Variants in FAM227B observed in about 807,000 individuals in gnomAD.
The protein encoded by FAM227B is protein FAM227B.
In FAM227B, 88 loss-of-function variants were observed where a neutral mutation model predicts 73.8. That is an observed-to-expected ratio of 1.19 (90% CI 1.00 to 1.42). The LOEUF is 1.42. FAM227B is among the 40% of genes most tolerant of loss of function. The pLI is 0.00. For missense variants in FAM227B, 632 were observed against 590.9 expected, an observed-to-expected ratio of 1.07 and a Z score of -0.72; for synonymous variants, 210 against 190.5, an observed-to-expected ratio of 1.10 and a Z score of -0.84.
intron 11 of FAM227B, chr15:49,486,892 C>T (rs892302562): frequency 1.4e-4 from 22 of 151,894 alleles, no homozygotes; most frequent in African/African-American, 5.3e-4. Context: ...TAAGGGGCCT[C>T]CATCCCTCTT....
intron 11 of FAM227B, among the ~76,000 whole-genome samples, chr15:49,387,808 C>G (rs570957095): frequency 6.6e-6 from 1 of 151,460 alleles, no homozygotes; most frequent in Non-Finnish European, 1.5e-5. Flanking sequence ...CAATGTACAA[C>G]AATATCATTG....
At position 49,541,781 on chromosome 15, in the gene FAM227B, G is replaced by A. The variant is rs773885690; in HGVS notation, c.773C>T (p.Ala258Val). Reference sequence around the variant, plus strand: ...TGCTTCATGGAACGTTGCATATATGGCTTGTGCCAAACAATCAGGATATAT... The same window carrying A: ...TGCTTCATGGAACGTTGCATATATGACTTGTGCCAAACAATCAGGATATAT... ...FQIYPDCLAQ[A>V]IYATFHEAFP... Residue 258 changes from alanine to valine, a missense_variant, in exon 10 of 16, where the codon GCC becomes GTC. Transcript: ENST00000299338. The A allele has an allele frequency of 6.6e-6, 10 of 1,510,574 alleles. No homozygotes were observed. In the South Asian group the frequency reaches 1.4e-4, roughly 22 times the overall value. The allele number at this position is 1,510,574 out of a possible 1,614,324, so 93.6% of individuals were successfully genotyped here.
intron 11 of FAM227B, among the ~76,000 whole-genome samples, chr15:49,450,301 CTCTT>C (rs770776466): frequency 6.6e-6 from 1 of 152,078 alleles, no homozygotes; most frequent in African/African-American, 2.4e-5. Context: ...TACAAGATAA[CTCTT>C]TCTTCCAAAT....
chr15:49,575,972 C>A (rs1038610018), intron 7 of FAM227B, among the ~76,000 whole-genome samples: 2 of 152,160 alleles, frequency 1.3e-5, no homozygotes, highest in Non-Finnish European at 2.9e-5. Flanking sequence ...TTCAAGATTT[C>A]TTTTAAGTGC....
chr15:49,587,956 G>C (rs2076271554), intron 5 of FAM227B, 60 bp downstream of exon 5: 2 of 1,317,090 alleles, frequency 1.5e-6, no homozygotes, highest in Admixed American at 3.0e-5. Context: ...TGGAAATGTA[G>C]TGTTTATATT....
At chr15:49,604,613 A>G (rs2153316039) in intron 3 of FAM227B, among the ~76,000 whole-genome samples, 1 of 152,010 alleles carries the variant, frequency 6.6e-6, no homozygotes, top group Non-Finnish European at 1.5e-5. Context: ...GAATATTTCT[A>G]TCATTCTTTC....
At chr15:49,344,952 C>A (rs187445298) in intron 13 of FAM227B, among the ~76,000 whole-genome samples, 2 of 152,122 alleles carry the variant, frequency 1.3e-5, no homozygotes, top group South Asian at 2.1e-4. Context: ...TTAATACAAC[C>A]AATGATACAC....
chr15:49,602,183 T>C (rs1034372792), intron 3 of FAM227B, among the ~76,000 whole-genome samples: 4 of 152,198 alleles, frequency 2.6e-5, no homozygotes, highest in South Asian at 2.1e-4. Context: ...CTAGATTGTA[T>C]GGTAGCTCTA....
chr15:49,576,626 C>A, intron 7 of FAM227B, 115 bp downstream of exon 7: 1 of 650,190 alleles, frequency 1.5e-6, no homozygotes, highest in Admixed American at 2.8e-5. Context: ...AAATTTAATG[C>A]CCAAAGGATC....
chr15:49,394,809 T>C (rs71467676), intron 11 of FAM227B, among the ~76,000 whole-genome samples: 10,004 of 152,240 alleles, frequency 0.066, 469 homozygotes, highest in East Asian at 0.18. Flanking sequence ...TGAGATTTCA[T>C]TTATGACAGT....
At chr15:49,458,121 A>G (rs1597330046) in intron 11 of FAM227B, among the ~76,000 whole-genome samples, 1 of 152,012 alleles carries the variant, frequency 6.6e-6, no homozygotes, top group African/African-American at 2.4e-5. Flanking sequence ...TCAGCTTGAT[A>G]AGATGGACAA....
At chr15:49,525,711 T>TATATATATATACATACATAC (rs2060143583) in intron 10 of FAM227B, among the ~76,000 whole-genome samples, 1 of 63,170 alleles carries the variant, frequency 1.6e-5, no homozygotes, top group African/African-American at 5.2e-5. Context: ...TATATATATA[T>TATATATATATACATACATAC]ATATATATCA....
At chr15:49,615,671 C>T (rs777876823) in intron 1 of FAM227B, among the ~76,000 whole-genome samples, 48 of 152,142 alleles carry the variant, frequency 3.2e-4, no homozygotes, top group Non-Finnish European at 7.4e-5. Flanking sequence ...GTCAATTAAA[C>T]TTCTTTTCTT....
chr15:49,575,249 T>C (rs1434596186), intron 7 of FAM227B, 140 bp from the exon 8 acceptor site: 13 of 403,672 alleles, frequency 3.2e-5, no homozygotes, highest in Non-Finnish European at 5.8e-5. Context: ...ATGAGCCACA[T>C]ACATAATGTT....
At chr15:49,559,661 GT>G (rs1343445356) in intron 9 of FAM227B, among the ~76,000 whole-genome samples, 1 of 152,156 alleles carries the variant, frequency 6.6e-6, no homozygotes, top group Non-Finnish European at 1.5e-5. Context: ...TATAGGCCGG[GT>G]GTGGTGGCTC....
chr15:49,367,761 T>A, intron 12 of FAM227B, 153 bp from the exon 13 acceptor site: 1 of 676,338 alleles, frequency 1.5e-6, no homozygotes, highest in Non-Finnish European at 2.3e-6. Flanking sequence ...TAGAGGAATT[T>A]ACCAAAGTAT....
intron 11 of FAM227B, among the ~76,000 whole-genome samples, chr15:49,451,981 T>G (rs1388122808): frequency 2.0e-5 from 3 of 152,134 alleles, no homozygotes; most frequent in Admixed American, 6.5e-5. Flanking sequence ...TGAGAAACTT[T>G]CTCTCAATAT....
intron 11 of FAM227B, among the ~76,000 whole-genome samples, chr15:49,472,425 G>C (rs1597413648): frequency 6.6e-6 from 1 of 152,176 alleles, no homozygotes; most frequent in East Asian, 1.9e-4. Context: ...TTTTATGGAA[G>C]ACTTTTGGAA....
chr15:49,363,847 G>T (rs2044671743), intron 13 of FAM227B, among the ~76,000 whole-genome samples: 1 of 152,094 alleles, frequency 6.6e-6, no homozygotes, highest in African/African-American at 2.4e-5. Context: ...TGTATCAAAA[G>T]CCTATTCTGC....
Sources: allele counts gnomAD v4.1 joint callset (sites outside exome capture counted in the v4.1 genomes callset), GRCh38; gene constraint gnomAD v4.1.1; transcripts MANE v1.5; gene names NCBI Gene and HGNC (gene_info 2026-07-23, HGNC 2026-07-21).